MIDEAS: variants seen among roughly 807,000 people sequenced by gnomAD.
The protein encoded by MIDEAS is mitotic deacetylase associated SANT domain protein, also known as mitotic deacetylase-associated SANT domain protein.
A neutral mutation model predicts 102.7 loss-of-function variants in MIDEAS; 26 were observed. The ratio of observed to expected loss-of-function variants is 0.25; its 90% CI spans 0.19 to 0.35. The LOEUF (loss-of-function observed/expected upper bound fraction) is 0.35. Among genes scored for constraint, MIDEAS ranks in the 10% least tolerant of loss-of-function variants. The probability of loss-of-function intolerance (pLI) is 1.00; values close to 1 mark genes in which losing one functional copy is unlikely to be tolerated. For synonymous variants in MIDEAS, 585 were observed against 591.0 expected, an observed-to-expected ratio of 0.99 and a Z score of 0.15; for missense variants, 1,231 against 1,435.6, an observed-to-expected ratio of 0.86 and a Z score of 2.30.
intron 3 of MIDEAS, among the ~76,000 whole-genome samples, chr14:73,735,857 T>C (rs929444824): frequency 6.6e-6 from 1 of 152,238 alleles, no homozygotes; most frequent in African/African-American, 2.4e-5. Context: ...ATAACTTTAC[T>C]CATGTAAAGT....
chr14:73,736,632 GAA>G (rs11378988), intron 3 of MIDEAS, among the ~76,000 whole-genome samples: 1 of 147,164 alleles, frequency 6.8e-6, no homozygotes. Context: ...CTCTGCCTCA[GAA>G]AAAAAAAAAA....
chr14:73,774,697 C>T (rs1204661945), intron 1 of MIDEAS, among the ~76,000 whole-genome samples: 1 of 151,896 alleles, frequency 6.6e-6, no homozygotes, highest in African/African-American at 2.4e-5. Flanking sequence ...CCTACTCTCA[C>T]CAGGGTCTTG....
intron 1 of MIDEAS, among the ~76,000 whole-genome samples, chr14:73,774,533 A>G (rs1232052366): frequency 6.6e-6 from 1 of 151,888 alleles, no homozygotes; most frequent in Non-Finnish European, 1.5e-5. Flanking sequence ...GCTGGTATTA[A>G]TATTTATCCT....
intron 3 of MIDEAS, among the ~76,000 whole-genome samples, chr14:73,730,508 G>A (rs909063334): frequency 1.1e-4 from 16 of 152,130 alleles, no homozygotes; most frequent in Non-Finnish European, 1.5e-4. Flanking sequence ...CTACTTCATG[G>A]GGTAACCATG....
Position 73,726,810 on chromosome 14 carries a change from GC to G in MIDEAS, c.2305+19del. Reference sequence around the variant, plus strand: ...ACCCATGTGCCTGCCCTCACTTGCTGCCCCCAGGCCCCTCCTCACCTTGCCT... The same window carrying G: ...ACCCATGTGCCTGCCCTCACTTGCTGCCCCAGGCCCCTCCTCACCTTGCCT... On this transcript the variant is annotated intron_variant, in intron 6 of 12. Transcript: ENST00000423556. 1 of 1,605,402 alleles carries G rather than the reference GC, an allele frequency of 6.2e-7. No individual in the cohort carries two copies. The highest frequency in any genetic ancestry group is 8.5e-7 in the Non-Finnish European group (1 of 1,173,584).
At chr14:73,773,737 G>C (rs891605780) in intron 1 of MIDEAS, among the ~76,000 whole-genome samples, 3 of 151,964 alleles carry the variant, frequency 2.0e-5, no homozygotes, top group Non-Finnish European at 4.4e-5. Flanking sequence ...TAAAGAAAGA[G>C]AGAGGCCAGG....
intron 1 of MIDEAS, among the ~76,000 whole-genome samples, chr14:73,766,135 C>G (rs974285185): frequency 1.3e-5 from 2 of 152,234 alleles, no homozygotes; most frequent in Admixed American, 1.3e-4. Flanking sequence ...GACAGCCACT[C>G]TGTTCCCTAA....
rs9652296 is a variant in MIDEAS, at chr14:73,718,893, C to A, written c.3250G>T (p.Ala1084Ser). 16 of 1,508,698 alleles carry A rather than the reference C, an allele frequency of 1.1e-5. No homozygotes were observed. The highest frequency in any genetic ancestry group is 1.2e-5 in the Non-Finnish European group (14 of 1,135,074). 93.5% of individuals were successfully genotyped at this position (1,508,698 alleles called of 1,614,324 possible). The change falls in exon 13 of 13, where the codon GCC (alanine) becomes TCC (serine). Residue 1084 changes from alanine to serine, a missense_variant. Coordinates refer to ENST00000423556, the MANE Select transcript of MIDEAS (RefSeq NM_001367710.1). Reference protein sequence around the residue: ...EKEAAAAAAAAHQQALREESG... With the variant: ...EKEAAAAAAASHQQALREESG... ...TCCTCCCGCAGGGCCTGCTGGTGGG[C>A]GGCGGCGGCGGCAGCAGCGGCCTCT...
At chr14:73,767,964 GC>G (rs1452609569) in intron 1 of MIDEAS, among the ~76,000 whole-genome samples, 1 of 152,110 alleles carries the variant, frequency 6.6e-6, no homozygotes, top group Non-Finnish European at 1.5e-5. Flanking sequence ...TTCAAGACCA[GC>G]CTGGGCCACA....
Position 73,738,862 on chromosome 14 carries a change from G to A in MIDEAS, c.1147C>T (p.Gln383Ter), listed in dbSNP as rs2053240271. 1 of 1,571,520 alleles carries A rather than the reference G, an allele frequency of 6.4e-7. No homozygotes were observed. The change falls in exon 2 of 13, where the codon CAG becomes TAG. Residue 383 changes from glutamine to a stop codon, truncating the protein, a stop_gained. Transcript: ENST00000423556. LOFTEE classifies it high-confidence loss of function. ...GNLFLHHWPL[Q>*]QPPPGSLGQP... ...CCCAGGGAGCCAGGTGGCGGCTGCT[G>A]CAGGGGCCAGTGATGTAGGAACAGG... is the stretch of plus-strand genomic sequence containing the variant.
Position 73,717,526 on chromosome 14 carries a change from C to T in MIDEAS, c.*1317G>A. ...TCTGTGTGGGTCTGGTGACACCCTC[C>T]ACCTTCCCACGCTCTTTCAGTGTTG... On this transcript the variant is annotated 3_prime_UTR_variant, in exon 13 of 13. Transcript: ENST00000423556. 6.6e-6 allele frequency: 1 copy of T among 152,548 alleles called. No individual in the cohort carries two copies. Among genetic ancestry groups the T allele is most frequent in the East Asian group, 1.9e-4 (1 of 5,186 alleles). 9.4% of individuals were successfully genotyped at this position (152,548 alleles called of 1,614,324 possible).
chr14:73,743,783 G>A (rs1228107706), intron 1 of MIDEAS, among the ~76,000 whole-genome samples: 1 of 152,114 alleles, frequency 6.6e-6, no homozygotes, highest in African/African-American at 2.4e-5. Flanking sequence ...GACAACGGAT[G>A]CAGGAACACT....
intron 4 of MIDEAS, chr14:73,728,620 AC>A (rs1474799755): frequency 1.3e-5 from 2 of 152,480 alleles, no homozygotes; most frequent in East Asian, 3.8e-4. Flanking sequence ...ACTACCGGGA[AC>A]CTCTGTTTTT....
upstream of MIDEAS, among the ~76,000 whole-genome samples, chr14:73,763,320 A>AG (rs2053568347): frequency 6.6e-6 from 1 of 152,220 alleles, no homozygotes; most frequent in South Asian, 2.1e-4. Context: ...CCTGGGTGAC[A>AG]GGGTGAGACG....
In MIDEAS at chr14:73,738,553, C is replaced by T; in HGVS notation, c.1449+7G>A. The T allele has an allele frequency of 1.3e-6, 2 of 1,550,608 alleles. No homozygotes were observed. Among genetic ancestry groups the T allele is most frequent in the African/African-American group, 1.4e-5 (1 of 73,302 alleles). ...CCAGGTGTGGCTCCACTGCATGCCACTCTCACCTTTGCATTCTGCAGTGAG... is the reference window on the plus strand; with the variant it reads ...CCAGGTGTGGCTCCACTGCATGCCATTCTCACCTTTGCATTCTGCAGTGAG... On this transcript the variant is annotated splice_region_variant and intron_variant, in intron 2 of 12. Coordinates refer to ENST00000423556, the MANE Select transcript of MIDEAS (RefSeq NM_001367710.1).
Position 73,759,363 on chromosome 14 carries a change from G to A in MIDEAS, c.-248+400C>T, listed in dbSNP as rs1164448149. On this transcript the variant is annotated intron_variant, in intron 1 of 12. Coordinates refer to ENST00000423556, the MANE Select transcript of MIDEAS (RefSeq NM_001367710.1). This position sits in a 1 kb window ranked among gnomAD's most constrained non-coding sequence, Gnocchi z 6.7. ...CACGGACACCACGTTTCTCTCCAGC[G>A]GAGGAGGAGCAGCCGGATTCCCGAG... Among the ~76,000 whole-genome samples the A allele has an allele frequency of 2.0e-5, 3 of 152,018 alleles. No individual in the cohort carries two copies. The highest frequency in any genetic ancestry group is 4.4e-5 in the Non-Finnish European group (3 of 67,966).
chr14:73,761,778 C>A (rs1317291671), upstream of MIDEAS, among the ~76,000 whole-genome samples: 1 of 152,182 alleles, frequency 6.6e-6, no homozygotes, highest in South Asian at 2.1e-4. Context: ...AAGAGCCCTG[C>A]ATGTGAGTTT....
At position 73,727,455 on chromosome 14, in the gene MIDEAS, T is replaced by C. The variant is rs373905668; in HGVS notation, c.2162+3A>G. Reference sequence around the variant, plus strand: ...CCTCGGCCAGGGGCAGGGCTGCACTTACGGCTCGATGCTCACTGGGGTGGC... The same window carrying C: ...CCTCGGCCAGGGGCAGGGCTGCACTCACGGCTCGATGCTCACTGGGGTGGC... On this transcript the variant is annotated splice_donor_region_variant and intron_variant, in intron 5 of 12. Transcript: ENST00000423556. 1.2e-6 allele frequency: 2 copies of C among 1,613,766 alleles called. No homozygotes were observed. Among genetic ancestry groups the C allele is most frequent in the Non-Finnish European group, 1.7e-6 (2 of 1,179,988 alleles).
In MIDEAS at chr14:73,742,515, C is replaced by G. The variant is rs72721773; in HGVS notation, c.-247-2260G>C. Among the ~76,000 whole-genome samples the G allele has an allele frequency of 1.0e-3, 158 of 152,342 alleles. No homozygotes were observed. The highest frequency in any genetic ancestry group is 1.5e-3 in the Non-Finnish European group (102 of 68,018). On this transcript the variant is annotated intron_variant, in intron 1 of 12. Coordinates refer to ENST00000423556, the MANE Select transcript of MIDEAS (RefSeq NM_001367710.1). This position sits in a 1 kb window ranked among gnomAD's most constrained non-coding sequence, Gnocchi z 4.4. The stretch of plus-strand genomic sequence containing the variant: ...TGCAGGTCTTACAGGGGCTTACCCA[C>G]AGCTGTATGGTCAGCCCTGGAGGAG...
Sources: allele counts gnomAD v4.1 joint callset (sites outside exome capture counted in the v4.1 genomes callset), GRCh38; gene constraint gnomAD v4.1.1; non-coding constraint Gnocchi (gnomAD v3.1); transcripts MANE v1.5; gene names NCBI Gene and HGNC (gene_info 2026-07-23, HGNC 2026-07-21).